Variants in SCFD2 observed in about 807,000 individuals in gnomAD.
SCFD2 encodes the protein sec1 family domain-containing protein 2.
In SCFD2, 54 loss-of-function variants were observed where a neutral mutation model predicts 58.9. That is an observed-to-expected ratio of 0.92 (90% CI 0.74 to 1.15). The LOEUF (loss-of-function observed/expected upper bound fraction) is 1.15, where lower values mean the gene tolerates loss of function less well. SCFD2 is among the 50% of genes most tolerant of loss of function. The probability of loss-of-function intolerance (pLI) is 0.00; values close to 1 mark genes in which losing one functional copy is unlikely to be tolerated. For synonymous variants in SCFD2, 321 were observed against 335.9 expected, an observed-to-expected ratio of 0.96 and a Z score of 0.49; for missense variants, 805 against 836.6, an observed-to-expected ratio of 0.96 and a Z score of 0.47.
chr4:53,256,141 G>C (rs562276389), intron 4 of SCFD2, among the ~76,000 whole-genome samples: 19 of 151,460 alleles, frequency 1.3e-4, no homozygotes, highest in Admixed American at 1.2e-3. Flanking sequence ...GGTGGCTGCC[G>C]GACGGAGGGG....
chr4:53,310,986 A>T (rs1015639259), intron 3 of SCFD2, among the ~76,000 whole-genome samples: 7 of 152,244 alleles, frequency 4.6e-5, no homozygotes, highest in African/African-American at 1.7e-4. Flanking sequence ...AATTGTGCAT[A>T]GTTTAAAATA....
intron 5 of SCFD2, among the ~76,000 whole-genome samples, chr4:53,097,645 A>G (rs932710365): frequency 2.0e-5 from 3 of 152,228 alleles, no homozygotes; most frequent in Admixed American, 6.5e-5. Flanking sequence ...TAAATACACA[A>G]TCATGTTGTC....
chr4:53,302,576 T>C (rs1463951055), intron 3 of SCFD2, among the ~76,000 whole-genome samples: 1 of 152,186 alleles, frequency 6.6e-6, no homozygotes, highest in Non-Finnish European at 1.5e-5. Flanking sequence ...CCAATGCCTT[T>C]CTTCACAGAA....
At chr4:53,304,253 C>G (rs1732439832) in intron 3 of SCFD2, among the ~76,000 whole-genome samples, 1 of 152,052 alleles carries the variant, frequency 6.6e-6, no homozygotes, top group Admixed American at 6.5e-5. Context: ...TCTGCCTGCC[C>G]TTAACATTTT....
chr4:52,920,862 A>C lies in SCFD2; in HGVS notation c.1570T>G (p.Ser524Ala). 8 of 1,598,046 alleles carry C rather than the reference A, an allele frequency of 5.0e-6. No individual in the cohort carries two copies. The highest frequency in any genetic ancestry group is 6.8e-6 in the Non-Finnish European group (8 of 1,173,344). Residue 524 changes from serine (S) to alanine (A), a missense_variant, in exon 6 of 9, where the codon TCT (serine) becomes GCT (alanine). This residue lies in a region of SCFD2 where 633 missense variants were observed against 646.8 expected (regional missense o/e 0.98). Coordinates refer to ENST00000401642, the MANE Select transcript of SCFD2 (RefSeq NM_152540.4). ...TTGTGAAATGTCAGATTAATTGAAG[A>C]GTCCCAGTCTGAAAAAATCCAGAGA... ...PLLQKITDWD[S>A]SINLTFHKSK...
chr4:53,329,005 T>C (rs1733321047), intron 2 of SCFD2, among the ~76,000 whole-genome samples: 1 of 152,052 alleles, frequency 6.6e-6, no homozygotes, highest in Non-Finnish European at 1.5e-5. Context: ...GAAAATCGGG[T>C]CACTCCCACC....
intron 5 of SCFD2, among the ~76,000 whole-genome samples, chr4:53,055,912 T>C (rs1429675765): frequency 6.6e-6 from 1 of 152,030 alleles, no homozygotes; most frequent in Non-Finnish European, 1.5e-5. Context: ...CAGACCACCA[T>C]CAGAAGAGCC....
chr4:53,299,391 G>C (rs1359255134), intron 3 of SCFD2, among the ~76,000 whole-genome samples: 1 of 152,120 alleles, frequency 6.6e-6, no homozygotes, highest in Non-Finnish European at 1.5e-5. Flanking sequence ...GAGAAGTTTA[G>C]AGAAAAAAGA....
chr4:52,894,122 T>C (rs764693091), intron 7 of SCFD2, among the ~76,000 whole-genome samples: 9 of 152,210 alleles, frequency 5.9e-5, no homozygotes, highest in African/African-American at 1.7e-4. Flanking sequence ...GGGACTCATA[T>C]CCACTCAAAC....
At chr4:53,139,650 G>A (rs1280156318) in intron 5 of SCFD2, among the ~76,000 whole-genome samples, 20 of 145,990 alleles carry the variant, frequency 1.4e-4, no homozygotes, top group South Asian at 2.2e-4. Context: ...CTGCCCGGCC[G>A]CCCCATCTGG....
intron 3 of SCFD2, among the ~76,000 whole-genome samples, chr4:53,300,638 G>A (rs1259995685): frequency 1.3e-5 from 2 of 152,150 alleles, no homozygotes; most frequent in Admixed American, 6.5e-5. Flanking sequence ...CAAATCAACA[G>A]AATATACATT....
chr4:53,343,364 A>G (rs959876581), intron 2 of SCFD2, among the ~76,000 whole-genome samples: 5 of 152,204 alleles, frequency 3.3e-5, no homozygotes. Flanking sequence ...AGAAATGGAT[A>G]AATTCCTAGA....
intron 5 of SCFD2, among the ~76,000 whole-genome samples, chr4:53,097,940 TG>T (rs1724708482): frequency 6.6e-6 from 1 of 152,244 alleles, no homozygotes; most frequent in South Asian, 2.1e-4. Context: ...TGTTGAATTT[TG>T]TCAAAGGCCT....
intron 5 of SCFD2, among the ~76,000 whole-genome samples, chr4:53,135,020 A>G (rs1725896412): frequency 6.6e-6 from 1 of 152,196 alleles, no homozygotes; most frequent in Non-Finnish European, 1.5e-5. Context: ...AAAACCAAAA[A>G]ACTATTCTAC....
chr4:52,934,630 A>C (rs1248456238), intron 5 of SCFD2, among the ~76,000 whole-genome samples: 1 of 152,212 alleles, frequency 6.6e-6, no homozygotes, highest in Non-Finnish European at 1.5e-5. Context: ...TCACATAGTC[A>C]TAGTCAGCAT....
chr4:52,992,874 A>C (rs1472374830), intron 5 of SCFD2, among the ~76,000 whole-genome samples: 2 of 152,220 alleles, frequency 1.3e-5, no homozygotes, highest in Non-Finnish European at 2.9e-5. Context: ...TCTGCCCAGC[A>C]GTCACCCCGT....
intron 5 of SCFD2, among the ~76,000 whole-genome samples, chr4:53,133,137 G>C (rs1310561900): frequency 6.6e-6 from 1 of 151,950 alleles, no homozygotes; most frequent in Non-Finnish European, 1.5e-5. Context: ...GACCATCCTG[G>C]CTAACACAGT....
chr4:53,214,932 T>C (rs1728763243), intron 4 of SCFD2, among the ~76,000 whole-genome samples: 1 of 152,180 alleles, frequency 6.6e-6, no homozygotes, highest in Non-Finnish European at 1.5e-5. Context: ...TTGCTTGTTT[T>C]TGTCAGGTTT....
intron 3 of SCFD2, among the ~76,000 whole-genome samples, chr4:53,280,926 G>A (rs1216495654): frequency 6.6e-6 from 1 of 152,056 alleles, no homozygotes; most frequent in Non-Finnish European, 1.5e-5. Context: ...AACATTTTGT[G>A]CTATCAAAGA....
Sources: allele counts gnomAD v4.1 joint callset (sites outside exome capture counted in the v4.1 genomes callset), GRCh38; gene constraint gnomAD v4.1.1; regional missense constraint gnomAD v4.1.1; transcripts MANE v1.5; gene names NCBI Gene and HGNC (gene_info 2026-07-23, HGNC 2026-07-21).